Variants in YWHAZ observed in about 807,000 individuals in gnomAD.
YWHAZ encodes the protein tyrosine 3-monooxygenase/tryptophan 5-monooxygenase activation protein zeta, also known as 14-3-3 protein zeta/delta.
For missense variants in YWHAZ, 79 were observed against 284.8 expected, an observed-to-expected ratio of 0.28 and a Z score of 5.20; for synonymous variants, 87 against 103.6, an observed-to-expected ratio of 0.84 and a Z score of 0.97.
Position 100,948,017 on chromosome 8 carries a change from G to A in YWHAZ, c.294+579C>T. 1 of 1,302,834 alleles carries A rather than the reference G, an allele frequency of 7.7e-7. No individual in the cohort carries two copies. The highest frequency in any genetic ancestry group is 1.1e-6 in the Non-Finnish European group (1 of 951,050). The allele number at this position is 1,302,834 out of a possible 1,614,324, so 80.7% of individuals were successfully genotyped here. A position where few individuals can be genotyped will look rare whatever the true frequency, so the allele number is the denominator to read the frequency against. ...TACTTAAAATACTCGATTCAAACTG[G>A]AAAATCAAGCTTGAGTTGTTCATAA... On this transcript the variant is annotated intron_variant, in intron 2 of 5. Transcript: ENST00000395958. This position sits in a 1 kb window ranked among gnomAD's most constrained non-coding sequence, Gnocchi z 4.2.
intron 2 of YWHAZ, among the ~76,000 whole-genome samples, chr8:100,941,352 C>G (rs1809838396): frequency 6.6e-6 from 1 of 152,182 alleles, no homozygotes; most frequent in Admixed American, 6.5e-5. Context: ...ACAAATAGGT[C>G]TGTCTCAGAA....
chr8:100,925,016 G>T lies in YWHAZ; in HGVS notation c.318C>A (p.Ile106=). ...DVLSLLEKFL[I]PNASQAESKV... ...TGCTCTCTGCTTGTGAAGCATTGGGGATCAAGAACTTTTCCAAAAGAGACT... is the reference window on the plus strand; with the variant it reads ...TGCTCTCTGCTTGTGAAGCATTGGGTATCAAGAACTTTTCCAAAAGAGACT... The change falls in exon 3 of 6, where the codon ATC becomes ATA. Residue 106 remains isoleucine (I), a synonymous_variant. Coordinates refer to ENST00000395958, the MANE Select transcript of YWHAZ (RefSeq NM_145690.3). The T allele has an allele frequency of 6.2e-7, 1 of 1,613,480 alleles. No homozygotes were observed. Among genetic ancestry groups the T allele is most frequent in the Admixed American group, 1.7e-5 (1 of 59,818 alleles).
chr8:100,948,356 C>T lies in YWHAZ; in HGVS notation c.294+240G>A, dbSNP rs935681428. Among the ~76,000 whole-genome samples, 1 of 152,086 alleles carries T rather than the reference C, an allele frequency of 6.6e-6. No individual in the cohort carries two copies. Among genetic ancestry groups the T allele is most frequent in the African/African-American group, 2.4e-5 (1 of 41,398 alleles). On this transcript the variant is annotated intron_variant, in intron 2 of 5. Coordinates refer to ENST00000395958, the MANE Select transcript of YWHAZ (RefSeq NM_145690.3). This position sits in a 1 kb window ranked among gnomAD's most constrained non-coding sequence, Gnocchi z 4.2. The stretch of plus-strand genomic sequence containing the variant: ...TTTTCAATTAATATAAAATACAATA[C>T]TAAAGTCTGTTATTTTTAACAAAAC...
chr8:100,948,171 C>G lies in YWHAZ; in HGVS notation c.294+425G>C. ...TACATTAACATTATAGCGGCTAATC[C>G]TGAGAAGAGTACTATTTCTACAATG... On this transcript the variant is annotated intron_variant, in intron 2 of 5. Transcript: ENST00000395958. The surrounding 1 kb of genome is among the most constrained non-coding windows in gnomAD (Gnocchi z 4.2). The G allele has an allele frequency of 1.3e-6, 2 of 1,523,838 alleles. No homozygotes were observed. Among genetic ancestry groups the G allele is most frequent in the Admixed American group, 2.1e-5 (1 of 48,424 alleles). The allele number at this position is 1,523,838 out of a possible 1,614,324, so 94.4% of individuals were successfully genotyped here. A position where few individuals can be genotyped will look rare whatever the true frequency, so the allele number is the denominator to read the frequency against.
chr8:100,927,771 T>G (rs1216122979), intron 2 of YWHAZ, among the ~76,000 whole-genome samples: 2 of 152,246 alleles, frequency 1.3e-5, no homozygotes, highest in Non-Finnish European at 2.9e-5. Context: ...TATGCTGAAC[T>G]AAGCAGTTCC....
Position 100,924,059 on chromosome 8 carries a change from T to A in YWHAZ, c.583-9A>T. On this transcript the variant is annotated splice_polypyrimidine_tract_variant and intron_variant, in intron 4 of 5. Transcript: ENST00000395958. This position sits in a 1 kb window ranked among gnomAD's most constrained non-coding sequence, Gnocchi z 5.7. ...ATGGCTTCATCAAAAGCCTACGATTTAAAAATAGTACATTACATTTCAGTG... is the reference window on the plus strand; with the variant it reads ...ATGGCTTCATCAAAAGCCTACGATTAAAAAATAGTACATTACATTTCAGTG... 1 of 1,608,796 alleles carries A rather than the reference T, an allele frequency of 6.2e-7. No homozygotes were observed. The highest frequency in any genetic ancestry group is 2.2e-5 in the East Asian group (1 of 44,846).
chr8:100,951,460 G>A, intron 1 of YWHAZ: 3 of 985,182 alleles, frequency 3.0e-6, no homozygotes, highest in Non-Finnish European at 3.6e-6. Context: ...CCTCACCTGC[G>A]CCACTGCGAT....
At chr8:100,952,741 G>A (rs1251284109), upstream of YWHAZ, 1 of 973,464 alleles carries the variant, frequency 1.0e-6, no homozygotes, top group Non-Finnish European at 1.2e-6. Context: ...GCAAGGGAGG[G>A]TTGTGTGTGG....
intron 1 of YWHAZ, chr8:100,950,634 A>AGCCCGC (rs1259574220): frequency 2.1e-6 from 2 of 934,438 alleles, no homozygotes; most frequent in African/African-American, 1.8e-5. Context: ...AGGGAGGAGC[A>AGCCCGC]GCCCGCGCCC....
At chr8:100,937,913 CTG>C (rs1474104332) in intron 2 of YWHAZ, among the ~76,000 whole-genome samples, 4 of 152,130 alleles carry the variant, frequency 2.6e-5, no homozygotes, top group Non-Finnish European at 5.9e-5. Context: ...GGAGGATGAC[CTG>C]AGGTCAGGAG....
chr8:100,943,053 C>T (rs911965573), intron 2 of YWHAZ, among the ~76,000 whole-genome samples: 1 of 152,188 alleles, frequency 6.6e-6, no homozygotes, highest in Non-Finnish European at 1.5e-5. Context: ...GAAACATCAA[C>T]AGCTTGTAAT....
At chr8:100,935,293 T>C (rs568139632) in intron 2 of YWHAZ, among the ~76,000 whole-genome samples, 2 of 152,354 alleles carry the variant, frequency 1.3e-5, no homozygotes, top group East Asian at 3.9e-4. Flanking sequence ...AATATACGCA[T>C]AACTGTAATA....
intron 2 of YWHAZ, among the ~76,000 whole-genome samples, chr8:100,937,919 T>C (rs1169650897): frequency 2.6e-5 from 4 of 152,066 alleles, no homozygotes; most frequent in African/African-American, 9.7e-5. Context: ...TGACCTGAGG[T>C]CAGGAGTTCG....
intron 2 of YWHAZ, among the ~76,000 whole-genome samples, chr8:100,927,966 G>T (rs1330509007): frequency 6.6e-6 from 1 of 152,188 alleles, no homozygotes; most frequent in Non-Finnish European, 1.5e-5. Flanking sequence ...AGTGTTTCTG[G>T]TGAGATGCTG....
At chr8:100,940,522 G>T (rs781659187) in intron 2 of YWHAZ, among the ~76,000 whole-genome samples, 1 of 152,124 alleles carries the variant, frequency 6.6e-6, no homozygotes, top group South Asian at 2.1e-4. Context: ...ATTTATTTTT[G>T]TAATAGCCCA....
intron 2 of YWHAZ, among the ~76,000 whole-genome samples, chr8:100,946,104 T>C (rs1810244225): frequency 1.3e-5 from 2 of 152,150 alleles, no homozygotes; most frequent in South Asian, 2.1e-4. Context: ...ACGATGTGGG[T>C]AGGGACCAGA....
intron 1 of YWHAZ, chr8:100,950,662 G>GT (rs1220822893): frequency 6.1e-5 from 55 of 908,200 alleles, no homozygotes; most frequent in Non-Finnish European, 7.1e-5. Context: ...AGCCGTGGGG[G>GT]GGGGGGAGAG....
intron 2 of YWHAZ, among the ~76,000 whole-genome samples, chr8:100,926,807 A>G (rs986930786): frequency 2.0e-5 from 3 of 151,878 alleles, no homozygotes; most frequent in African/African-American, 7.3e-5. Context: ...TCTGCCTCAA[A>G]CAGTGGAAGA....
rs1812822306 is a variant in YWHAZ at position 100,918,632 on chromosome 8, A to T, written c.*2061T>A. 1 of 151,540 alleles carries T rather than the reference A, an allele frequency of 6.6e-6. No homozygotes were observed. The highest frequency in any genetic ancestry group is 1.5e-5 in the Non-Finnish European group (1 of 67,850). 9.4% of individuals were successfully genotyped at this position (151,540 alleles called of 1,614,324 possible). On this transcript the variant is annotated 3_prime_UTR_variant, in exon 6 of 6. Coordinates refer to ENST00000395958, the MANE Select transcript of YWHAZ (RefSeq NM_145690.3). Reference sequence around the variant, plus strand: ...TTGGGACAATTATTCAAAAGGGCCAATATTTCCCAATTTAATCTGAGGTCA... The same window carrying T: ...TTGGGACAATTATTCAAAAGGGCCATTATTTCCCAATTTAATCTGAGGTCA...
Sources: allele counts gnomAD v4.1 joint callset (sites outside exome capture counted in the v4.1 genomes callset), GRCh38; gene constraint gnomAD v4.1.1; non-coding constraint Gnocchi (gnomAD v3.1); transcripts MANE v1.5; gene names NCBI Gene and HGNC (gene_info 2026-07-23, HGNC 2026-07-21).